Variants in CCDC170 observed in about 807,000 individuals in gnomAD.
The protein encoded by CCDC170 is coiled-coil domain-containing protein 170.
CCDC170 carries 69 observed loss-of-function variants against 72.6 expected under a neutral mutation model. The observed-to-expected ratio is 0.95, with a 90% CI of 0.78 to 1.16. The LOEUF is 1.16. CCDC170 is among the 50% of genes most tolerant of loss of function. CCDC170 has a pLI of 0.00. For synonymous variants in CCDC170, 300 were observed against 303.9 expected (o/e 0.99, Z 0.13); for missense variants, 852 against 832.5 (o/e 1.02, Z -0.29).
chr6:151,538,903 A>G (rs115333241), intron 3 of CCDC170, among the ~76,000 whole-genome samples: 2,109 of 152,330 alleles, frequency 0.014, 55 homozygotes, highest in African/African-American at 0.048. Context: ...TCTTAAAAAA[A>G]TAACCCAATA....
At chr6:151,539,810 C>A (rs189040050) in intron 3 of CCDC170, among the ~76,000 whole-genome samples, 2 of 152,208 alleles carry the variant, frequency 1.3e-5, no homozygotes, top group East Asian at 3.9e-4. Flanking sequence ...AGTGTTCCCA[C>A]AAAATCCTTC....
intron 1 of CCDC170, among the ~76,000 whole-genome samples, chr6:151,518,140 C>CGAA (rs1782263742): frequency 6.6e-6 from 1 of 152,148 alleles, no homozygotes; most frequent in Non-Finnish European, 1.5e-5. Context: ...AGAAGGCAAC[C>CGAA]TTTCTCCTTT....
intron 6 of CCDC170, among the ~76,000 whole-genome samples, chr6:151,573,810 A>G (rs1311000091): frequency 2.0e-5 from 3 of 152,200 alleles, no homozygotes; most frequent in Non-Finnish European, 4.4e-5. Flanking sequence ...ACAGCATGGG[A>G]AAAAGCTACC....
intron 5 of CCDC170, among the ~76,000 whole-genome samples, chr6:151,569,596 G>A (rs1236703898): frequency 1.3e-5 from 2 of 152,234 alleles, no homozygotes; most frequent in Admixed American, 6.5e-5. Context: ...TGGTCTGACA[G>A]CAATCCCCAG....
chr6:151,612,879 C>A (rs955845972), intron 9 of CCDC170, among the ~76,000 whole-genome samples: 4 of 151,822 alleles, frequency 2.6e-5, no homozygotes, highest in African/African-American at 7.3e-5. Flanking sequence ...AATGCTTTTT[C>A]TTTGAGAATA....
At chr6:151,609,815 A>C (rs1776842250) in intron 9 of CCDC170, among the ~76,000 whole-genome samples, 1 of 152,132 alleles carries the variant, frequency 6.6e-6, no homozygotes, top group African/African-American at 2.4e-5. Flanking sequence ...GAGCTCCATT[A>C]CTTGTTCTTG....
intron 7 of CCDC170, among the ~76,000 whole-genome samples, chr6:151,591,937 TGGCTAAGTTGCCAGTGACAACC>T (rs1197530435): frequency 0.012 from 1,793 of 147,628 alleles, 35 homozygotes; most frequent in African/African-American, 0.044. Flanking sequence ...AAGTGGCAAC[TGGCTAAGTTGCCAGTGACAACC>T]GGCTAAGTTG....
At chr6:151,534,097 C>A (rs1229447327) in intron 1 of CCDC170, among the ~76,000 whole-genome samples, 6 of 144,630 alleles carry the variant, frequency 4.1e-5, no homozygotes, top group Non-Finnish European at 7.5e-5. Flanking sequence ...CAGGGTTTTG[C>A]TCTGCTGCTG....
At chr6:151,593,029 A>G (rs1776565893) in intron 7 of CCDC170, 78 bp from the exon 8 acceptor site, 1 of 1,457,088 alleles carries the variant, frequency 6.9e-7, no homozygotes, top group Admixed American at 1.8e-5. Context: ...AGCTTGGGAG[A>G]AAGAGGAAGA....
chr6:151,511,470 T>G (rs1024036315), intron 1 of CCDC170, among the ~76,000 whole-genome samples: 2 of 152,254 alleles, frequency 1.3e-5, no homozygotes, highest in African/African-American at 4.8e-5. Flanking sequence ...CAACAAACAT[T>G]AAATGTATAT....
chr6:151,529,815 A>G (rs1194823076), intron 1 of CCDC170, among the ~76,000 whole-genome samples: 1 of 152,200 alleles, frequency 6.6e-6, no homozygotes, highest in African/African-American at 2.4e-5. Flanking sequence ...AGACTGAGTA[A>G]TTTATGAGGA....
intron 4 of CCDC170, among the ~76,000 whole-genome samples, chr6:151,545,700 T>A (rs776965119): frequency 6.6e-6 from 1 of 152,106 alleles, no homozygotes; most frequent in Non-Finnish European, 1.5e-5. Flanking sequence ...AGTGATATGA[T>A]CCTAGTTTAC....
chr6:151,578,943 T>G (rs1372551232), intron 6 of CCDC170, among the ~76,000 whole-genome samples: 1 of 152,172 alleles, frequency 6.6e-6, no homozygotes, highest in East Asian at 1.9e-4. Flanking sequence ...TGCATAGTTG[T>G]CCCTGGGGAG....
chr6:151,556,659 A>G (rs548749298), intron 5 of CCDC170, among the ~76,000 whole-genome samples: 1 of 152,080 alleles, frequency 6.6e-6, no homozygotes, highest in Admixed American at 6.6e-5. Context: ...TATTACACGC[A>G]TAGAATGTGT....
intron 9 of CCDC170, among the ~76,000 whole-genome samples, chr6:151,609,479 G>A (rs956865541): frequency 1.3e-5 from 2 of 152,140 alleles, no homozygotes; most frequent in African/African-American, 4.8e-5. Flanking sequence ...TATAACATGA[G>A]AGAATTGTTC....
At chr6:151,597,735 C>G (rs563738663) in intron 9 of CCDC170, among the ~76,000 whole-genome samples, 1 of 152,300 alleles carries the variant, frequency 6.6e-6, no homozygotes, top group East Asian at 1.9e-4. Context: ...AGAATTTAAT[C>G]AAAAGATTTA....
intron 3 of CCDC170, among the ~76,000 whole-genome samples, chr6:151,543,241 C>A (rs999677119): frequency 1.3e-5 from 2 of 152,098 alleles, no homozygotes; most frequent in Non-Finnish European, 2.9e-5. Context: ...ACAATATATT[C>A]ATAATGGACC....
rs757260517 is a variant in CCDC170 at position 151,573,182 on chromosome 6, C to T, written c.783C>T (p.Leu261=). The T allele has an allele frequency of 1.1e-5, 18 of 1,612,362 alleles. No homozygotes were observed. The highest frequency in any genetic ancestry group is 1.5e-5 in the Non-Finnish European group (18 of 1,179,458). The part of the protein sequence containing the change: ...EEKEKLNQDL[L]SAVEAKEALE... ...TTCTGTAATCATTTTAGGACCTGCT[C>T]AGTGCTGTAGAAGCAAAAGAAGCTC... The change falls in exon 6 of 11, where the codon CTC becomes CTT. Residue 261 remains leucine (L), a synonymous_variant. Coordinates refer to ENST00000239374, the MANE Select transcript of CCDC170 (RefSeq NM_025059.4).
chr6:151,615,868 C>T (rs780553149), intron 10 of CCDC170, 189 bp downstream of exon 10: 32 of 562,044 alleles, frequency 5.7e-5, no homozygotes, highest in East Asian at 1.2e-4. Flanking sequence ...CATGTGCTCC[C>T]GAAGCGAGAA....
Sources: gnomAD v4.1 joint callset for allele counts (sites outside exome capture counted in the v4.1 genomes callset) on GRCh38, gnomAD v4.1.1 for gene constraint, MANE v1.5 for transcripts, NCBI Gene and HGNC (gene_info 2026-07-23, HGNC 2026-07-21) for gene names.